Variants in DLG2 observed in about 807,000 individuals in gnomAD.
The protein encoded by DLG2 is discs large MAGUK scaffold protein 2.
Under a neutral mutation model 132.5 loss-of-function variants are expected in DLG2, and 45 were observed. The observed-to-expected ratio is 0.34, with a 90% CI of 0.27 to 0.44. DLG2 has a LOEUF of 0.44. DLG2 is among the 20% of genes least tolerant of loss of function. The pLI, the probability that DLG2 is intolerant of heterozygous loss-of-function variation, is 1.00. For missense variants in DLG2, 1,045 were observed against 1,196.9 expected (o/e 0.87, Z 1.87); for synonymous variants, 424 against 419.6 (o/e 1.01, Z -0.13).
At chr11:83,656,371 G>T (rs376607137) in intron 18 of DLG2, among the ~76,000 whole-genome samples, 3 of 152,136 alleles carry the variant, frequency 2.0e-5, no homozygotes, top group South Asian at 4.1e-4. Context: ...TCCTCTCCAA[G>T]GTGGGTCCTG....
intron 6 of DLG2, among the ~76,000 whole-genome samples, chr11:84,960,632 T>A (rs923635197): frequency 3.9e-5 from 6 of 152,092 alleles, no homozygotes; most frequent in Non-Finnish European, 7.4e-5. Context: ...AGAGATGGGG[T>A]ATCACCGTAT....
At chr11:83,618,703 A>G (rs921296237) in intron 19 of DLG2, among the ~76,000 whole-genome samples, 5 of 152,216 alleles carry the variant, frequency 3.3e-5, no homozygotes, top group African/African-American at 1.2e-4. Flanking sequence ...TGATTGAGTT[A>G]GAATTCTACA....
At chr11:84,753,563 T>TC in intron 6 of DLG2, among the ~76,000 whole-genome samples, 1 of 152,178 alleles carries the variant, frequency 6.6e-6, no homozygotes, top group Non-Finnish European at 1.5e-5. Flanking sequence ...AATGAAGAAT[T>TC]TTATTTTTAT....
At chr11:84,686,107 G>T (rs1219447967) in intron 6 of DLG2, among the ~76,000 whole-genome samples, 2 of 152,160 alleles carry the variant, frequency 1.3e-5, no homozygotes, top group African/African-American at 4.8e-5. Flanking sequence ...TGAGTCAATC[G>T]TTTTCATGAA....
intron 18 of DLG2, among the ~76,000 whole-genome samples, chr11:83,696,993 G>A (rs1386740241): frequency 6.6e-6 from 1 of 152,352 alleles, no homozygotes; most frequent in South Asian, 2.1e-4. Flanking sequence ...AAAAGCAGAT[G>A]AAAGAAGAGA....
intron 3 of DLG2, among the ~76,000 whole-genome samples, chr11:85,402,881 T>C (rs1318441265): frequency 6.6e-6 from 1 of 152,166 alleles, no homozygotes; most frequent in Non-Finnish European, 1.5e-5. Context: ...GGAATGCTTT[T>C]ACACTGTTGT....
chr11:84,624,696 T>C (rs951510934), intron 6 of DLG2, among the ~76,000 whole-genome samples: 36 of 151,432 alleles, frequency 2.4e-4, no homozygotes, highest in African/African-American at 8.5e-4. Context: ...ATTCCTCCTT[T>C]TATTGGTCCT....
chr11:83,897,790 T>A (rs1374283002), intron 15 of DLG2, among the ~76,000 whole-genome samples: 1 of 152,174 alleles, frequency 6.6e-6, no homozygotes, highest in Non-Finnish European at 1.5e-5. Flanking sequence ...TGGGAACTGA[T>A]AGAAATGAAA....
chr11:85,034,816 T>TA (rs920292906), intron 6 of DLG2, among the ~76,000 whole-genome samples: 82 of 152,292 alleles, frequency 5.4e-4, no homozygotes, highest in African/African-American at 2.0e-3. Flanking sequence ...ATATCAGAAA[T>TA]ACCAATTTTG....
chr11:83,600,064 C>T (rs2153369009), intron 19 of DLG2, among the ~76,000 whole-genome samples: 1 of 152,174 alleles, frequency 6.6e-6, no homozygotes, highest in East Asian at 1.9e-4. Context: ...CCTAATGTCC[C>T]AGGTTCTGGG....
In DLG2 at chr11:84,578,382, A is replaced by G. The variant is rs548956352; in HGVS notation, c.358-43651T>C. Among the ~76,000 whole-genome samples the G allele has an allele frequency of 5.3e-5, 8 of 152,268 alleles. No individual in the cohort carries two copies. In the East Asian group the frequency reaches 1.5e-3, roughly 29 times the overall value. On this transcript the variant is annotated intron_variant, in intron 6 of 27. Coordinates refer to ENST00000376104, the MANE Select transcript of DLG2 (RefSeq NM_001142699.3). ...CTCAATGCCAGCCATGAAAGCAGCC[A>G]GGATGGAGGTTGTACCCTGCAAAGC...
chr11:84,951,319 G>A (rs553621991), intron 6 of DLG2, among the ~76,000 whole-genome samples: 1 of 152,220 alleles, frequency 6.6e-6, no homozygotes, highest in South Asian at 2.1e-4. Context: ...ATAAACTCAT[G>A]ATACATTGTA....
chr11:85,321,112 G>C (rs948031194), intron 3 of DLG2, among the ~76,000 whole-genome samples: 4 of 151,806 alleles, frequency 2.6e-5, no homozygotes, highest in Non-Finnish European at 4.4e-5. Flanking sequence ...TTTGAATGAG[G>C]GTAATAATGG....
At chr11:84,114,123 TG>T (rs1241117128) in intron 9 of DLG2, among the ~76,000 whole-genome samples, 6 of 151,926 alleles carry the variant, frequency 3.9e-5, no homozygotes, top group Admixed American at 6.6e-5. Context: ...TAATATTTAA[TG>T]GGTTTATTAT....
At chr11:85,101,014 T>A (rs1177000876) in intron 6 of DLG2, among the ~76,000 whole-genome samples, 1 of 152,140 alleles carries the variant, frequency 6.6e-6, no homozygotes, top group Non-Finnish European at 1.5e-5. Context: ...ATAATTTTAG[T>A]TTTTTATGTG....
intron 3 of DLG2, among the ~76,000 whole-genome samples, chr11:85,341,109 G>T (rs2082463922): frequency 1.7e-5 from 1 of 59,698 alleles, no homozygotes; most frequent in Non-Finnish European, 3.9e-5. Flanking sequence ...TTTCTTGTTT[G>T]TTTTTGTTTT....
chr11:84,397,069 A>T (rs1243516833), intron 7 of DLG2, among the ~76,000 whole-genome samples: 1 of 152,178 alleles, frequency 6.6e-6, no homozygotes, highest in Non-Finnish European at 1.5e-5. Flanking sequence ...CACTTCTATC[A>T]TTACAGTGTC....
intron 19 of DLG2, among the ~76,000 whole-genome samples, chr11:83,591,676 C>T (rs2097189437): frequency 6.8e-6 from 1 of 146,836 alleles, no homozygotes; most frequent in Non-Finnish European, 1.5e-5. Flanking sequence ...AAAGGGTATT[C>T]AATTAGGAAA....
intron 3 of DLG2, among the ~76,000 whole-genome samples, chr11:85,557,086 C>T (rs568538401): frequency 6.6e-6 from 1 of 151,898 alleles, no homozygotes; most frequent in African/African-American, 2.4e-5. Flanking sequence ...TAAACAACTT[C>T]ATGAAAGTTT....
Sources: gnomAD v4.1 joint callset for allele counts (sites outside exome capture counted in the v4.1 genomes callset) on GRCh38, gnomAD v4.1.1 for gene constraint, MANE v1.5 for transcripts, NCBI Gene and HGNC (gene_info 2026-07-23, HGNC 2026-07-21) for gene names.